Variants in PFKP observed in about 807,000 individuals in gnomAD.
The protein encoded by PFKP is phosphofructokinase, platelet.
A neutral mutation model predicts 94.3 loss-of-function variants in PFKP; 101 were observed. That is an observed-to-expected ratio of 1.07 (90% CI 0.91 to 1.26). The LOEUF (loss-of-function observed/expected upper bound fraction) is 1.26. Among genes scored for constraint, PFKP ranks in the 50% most tolerant of loss-of-function variants. The pLI is 0.00. For missense variants in PFKP, 1,145 were observed against 1,103.3 expected (o/e 1.04, Z -0.53); for synonymous variants, 573 against 432.6 (o/e 1.32, Z -4.03).
At chr10:3,082,817 A>G (rs188122101) in intron 2 of PFKP, among the ~76,000 whole-genome samples, 51 of 152,082 alleles carry the variant, frequency 3.4e-4, no homozygotes, top group Middle Eastern at 3.4e-3. Context: ...GGTTCAAGCA[A>G]TTTTCTGCCT....
intron 2 of PFKP, among the ~76,000 whole-genome samples, chr10:3,092,309 C>T (rs978073593): frequency 6.6e-6 from 1 of 152,166 alleles, no homozygotes; most frequent in Non-Finnish European, 1.5e-5. Flanking sequence ...AATTGATTGG[C>T]ATCATGCTTC....
chr10:3,076,330 G>A (rs921326519), intron 1 of PFKP, among the ~76,000 whole-genome samples: 15 of 152,168 alleles, frequency 9.9e-5, no homozygotes, highest in East Asian at 3.9e-4. Context: ...GGGGAGGGCC[G>A]ACACTGTCCC....
intron 1 of PFKP, among the ~76,000 whole-genome samples, chr10:3,068,038 G>C (rs1003423899): frequency 2.0e-5 from 3 of 152,136 alleles, no homozygotes; most frequent in African/African-American, 2.4e-5. Flanking sequence ...TTCCACCTTC[G>C]GTTTTGTTTT....
At chr10:3,092,799 A>C (rs529304130) in intron 2 of PFKP, among the ~76,000 whole-genome samples, 1 of 152,328 alleles carries the variant, frequency 6.6e-6, no homozygotes, top group South Asian at 2.1e-4. Context: ...TTTTAAAGTG[A>C]GAAATCTCAC....
In PFKP at chr10:3,091,536, C is replaced by T. The variant is rs186848935; in HGVS notation, c.187-7739C>T. Among the ~76,000 whole-genome samples, 23 of 152,228 alleles carry T rather than the reference C, an allele frequency of 1.5e-4. No individual in the cohort carries two copies. In the East Asian group the frequency reaches 1.9e-3, roughly 13 times the overall value. On this transcript the variant is annotated intron_variant, in intron 2 of 21. Coordinates refer to ENST00000381125, the MANE Select transcript of PFKP (RefSeq NM_002627.5). ...AATATGACTCACTTAAGATTCTTGC[C>T]GAGCACCGTGGCTCATACTTGTAGT... is the stretch of plus-strand genomic sequence containing the variant.
chr10:3,100,552 T>C (rs1275122266), intron 3 of PFKP, among the ~76,000 whole-genome samples: 2 of 152,178 alleles, frequency 1.3e-5, no homozygotes, highest in Non-Finnish European at 2.9e-5. Context: ...TGCAGGGGTC[T>C]CCTGGGAGCT....
At chr10:3,122,668 G>A (rs1837546192) in intron 16 of PFKP, among the ~76,000 whole-genome samples, 1 of 152,214 alleles carries the variant, frequency 6.6e-6, no homozygotes, top group Admixed American at 6.5e-5. Context: ...TTCCCTGTCC[G>A]GCCACACCCT....
intron 1 of PFKP, among the ~76,000 whole-genome samples, chr10:3,076,391 C>G (rs560947310): frequency 2.0e-5 from 3 of 152,270 alleles, no homozygotes; most frequent in African/African-American, 7.2e-5. Flanking sequence ...CGCCCCCGCC[C>G]CAGCCCCTCT....
At chr10:3,076,877 A>C (rs1271297049) in intron 1 of PFKP, among the ~76,000 whole-genome samples, 2 of 152,106 alleles carry the variant, frequency 1.3e-5, no homozygotes, top group Non-Finnish European at 2.9e-5. Context: ...GATGACTTTG[A>C]ACTGGCAGGG....
chr10:3,091,378 A>G (rs983114657), intron 2 of PFKP, among the ~76,000 whole-genome samples: 2 of 152,144 alleles, frequency 1.3e-5, no homozygotes, highest in Non-Finnish European at 1.5e-5. Flanking sequence ...TCAGTTGGTT[A>G]ATCCAGGGCT....
Position 3,118,975 on chromosome 10 carries a change from G to T in PFKP, c.1530+106G>T, listed in dbSNP as rs993908504. ...CTACTGGCCACGATCCGAGATGATA[G>T]GTTCCCAGACCCAGCGGCCACTGGA... On this transcript the variant is annotated intron_variant, in intron 15 of 21. Coordinates refer to ENST00000381125, the MANE Select transcript of PFKP (RefSeq NM_002627.5). 3.7e-6 allele frequency: 3 copies of T among 803,504 alleles called. No individual in the cohort carries two copies. In the African/African-American group the frequency reaches 5.1e-5, roughly 14 times the overall value. The allele number at this position is 803,504 out of a possible 1,614,324, so 49.8% of individuals were successfully genotyped here.
chr10:3,128,078 C>T (rs1337034328), intron 16 of PFKP, among the ~76,000 whole-genome samples: 3 of 150,486 alleles, frequency 2.0e-5, no homozygotes, highest in Non-Finnish European at 4.4e-5. Context: ...GGGAATCCTG[C>T]AGGATCAGCC....
chr10:3,104,900 C>T, intron 5 of PFKP: 1 of 627,160 alleles, frequency 1.6e-6, no homozygotes, highest in Non-Finnish European at 2.8e-6. Context: ...CTCAAGTCCC[C>T]TTCCTCGCAG....
chr10:3,084,728 CCCCTCCCCAGGAGAGTCCTCCAG>C (rs1564274631), intron 2 of PFKP, among the ~76,000 whole-genome samples: 84 of 129,902 alleles, frequency 6.5e-4, no homozygotes, highest in Admixed American at 3.1e-3. Context: ...AGTCCTCCAG[CCCCTCCCCAGGAGAGTCCTCCAG>C]CCCCTCCCCA....
chr10:3,099,077 C>T (rs73571290), intron 2 of PFKP, among the ~76,000 whole-genome samples, 198 bp from the exon 3 acceptor site: 9,741 of 152,226 alleles, frequency 0.064, 702 homozygotes, highest in African/African-American at 0.18. Flanking sequence ...CAGACGTTCC[C>T]ATTACTAGGG....
At position 3,080,516 on chromosome 10, in the gene PFKP, CAAAAAA is replaced by C. The variant is rs869281524; in HGVS notation, c.113-1853_113-1848del. Among the ~76,000 whole-genome samples, 28 of 68,678 alleles carry C rather than the reference CAAAAAA, an allele frequency of 4.1e-4. 1 individual carries two copies. In the South Asian group the frequency reaches 0.011, roughly 27 times the overall value. 45.1% of individuals were successfully genotyped at this position (68,678 alleles called of 152,430 possible). On this transcript the variant is annotated intron_variant, in intron 1 of 21. Coordinates refer to ENST00000381125, the MANE Select transcript of PFKP (RefSeq NM_002627.5). The stretch of plus-strand genomic sequence containing the variant: ...TGGGAGACAGAGCGAGACTCCGTCT[CAAAAAA>C]AAAAAAAAAAAAAAAAAAGAGAATA...
At position 3,110,365 on chromosome 10, in the gene PFKP, A is replaced by ATTTT. The variant is rs57980780; in HGVS notation, c.1089+906_1089+909dup. 5.8e-3 allele frequency among the ~76,000 whole-genome samples: 532 copies of ATTTT among 92,510 alleles called. 13 individuals are homozygous for ATTTT. The highest frequency in any genetic ancestry group is 7.6e-3 in the Non-Finnish European group (367 of 48,326). The allele number at this position is 92,510 out of a possible 152,430, so 60.7% of individuals were successfully genotyped here. A position where few individuals can be genotyped will look rare whatever the true frequency, so the allele number is the denominator to read the frequency against. Reference sequence around the variant, plus strand: ...AGGTGCCCACCACCACGCCTGGCTAATTTTTTTTTTTTTTTTTTTTTTTTG... The same window carrying ATTTT: ...AGGTGCCCACCACCACGCCTGGCTAATTTTTTTTTTTTTTTTTTTTTTTTTTTTG... On this transcript the variant is annotated intron_variant, in intron 10 of 21. Transcript: ENST00000381125.
chr10:3,081,260 T>A (rs1833052587), intron 1 of PFKP, among the ~76,000 whole-genome samples: 1 of 152,190 alleles, frequency 6.6e-6, no homozygotes, highest in Admixed American at 6.5e-5. Flanking sequence ...CCAATGTAAT[T>A]GAAGATTTTT....
At chr10:3,105,282 C>T (rs1385514019) in intron 6 of PFKP, 111 bp from the exon 7 acceptor site, 10 of 1,293,828 alleles carry the variant, frequency 7.7e-6, no homozygotes, top group Non-Finnish European at 1.0e-5. Flanking sequence ...GCCGGCATCC[C>T]GCTTCATACC....
Sources: allele counts gnomAD v4.1 joint callset (sites outside exome capture counted in the v4.1 genomes callset), GRCh38; gene constraint gnomAD v4.1.1; transcripts MANE v1.5; gene names NCBI Gene and HGNC (gene_info 2026-07-23, HGNC 2026-07-21).